GC: variants seen among roughly 807,000 people sequenced by gnomAD.
GC encodes the protein GC vitamin D binding protein.
A neutral mutation model predicts 56.7 loss-of-function variants in GC; 43 were observed. The ratio of observed to expected loss-of-function variants is 0.76; its 90% CI spans 0.59 to 0.98. The LOEUF (loss-of-function observed/expected upper bound fraction) is 0.98, where lower values mean the gene tolerates loss of function less well. GC is among the 50% of genes least tolerant of loss of function. The pLI is 0.00. For synonymous variants in GC, 216 were observed against 202.7 expected (o/e 1.07, Z -0.56); for missense variants, 529 against 545.9 (o/e 0.97, Z 0.31).
At position 71,765,785 on chromosome 4, in the gene GC, AT is replaced by A. The variant is rs529519246; in HGVS notation, c.262-143del. 4.0e-4 allele frequency: 246 copies of A among 613,524 alleles called. 1 individual carries two copies. The African/African-American group carries it at 4.3e-3, about 11-fold the overall frequency. 38.0% of individuals were successfully genotyped at this position (613,524 alleles called of 1,614,324 possible). On this transcript the variant is annotated intron_variant, in intron 3 of 12. Transcript: ENST00000273951. ...TTCATGCCAAGGGCTCCATGAAGTGATTTTTTAACATGACAAGTTGTGTGAT... is the reference window on the plus strand; with the variant it reads ...TTCATGCCAAGGGCTCCATGAAGTGATTTTTAACATGACAAGTTGTGTGAT...
intron 11 of GC, among the ~76,000 whole-genome samples, chr4:71,748,593 G>T (rs1195948654): frequency 6.6e-6 from 1 of 152,096 alleles, no homozygotes; most frequent in Non-Finnish European, 1.5e-5. Flanking sequence ...AAAGAGAAAA[G>T]AAGATTTCAA....
chr4:71,762,406 G>A (rs1342804445), intron 6 of GC, among the ~76,000 whole-genome samples: 1 of 152,150 alleles, frequency 6.6e-6, no homozygotes, highest in African/African-American at 2.4e-5. Flanking sequence ...AGGCTCATAG[G>A]CAGAAGGGAC....
chr4:71,797,412 C>A (rs1187470206), intron 1 of GC, among the ~76,000 whole-genome samples: 2 of 152,266 alleles, frequency 1.3e-5, no homozygotes, highest in African/African-American at 2.4e-5. Flanking sequence ...ACCCCTCCTC[C>A]CGCTCAGCTG....
At chr4:71,742,482 C>A (rs1321862826) in intron 12 of GC, among the ~76,000 whole-genome samples, 1 of 152,176 alleles carries the variant, frequency 6.6e-6, no homozygotes, top group Non-Finnish European at 1.5e-5. Flanking sequence ...AATCTGTTCC[C>A]TCACAGCCTC....
chr4:71,765,452 A>C lies in GC; in HGVS notation c.453T>G (p.Asp151Glu), dbSNP rs754407711. 2 of 1,613,574 alleles carry C rather than the reference A, an allele frequency of 1.2e-6. No individual in the cohort carries two copies. Among genetic ancestry groups the C allele is most frequent in the South Asian group, 1.1e-5 (1 of 91,068 alleles). The stretch of plus-strand genomic sequence containing the variant: ...CTCACTGATTAGCATATTCCTTTGG[A>C]TCTTTCCTGAACGCCTCACAGATTT... ...NDEICEAFRKDPKEYANQFMW... is the reference protein window; with the variant it reads ...NDEICEAFRKEPKEYANQFMW... The change falls in exon 4 of 13, where the codon GAT becomes GAG. Residue 151 changes from aspartate (D) to glutamate (E), a missense_variant. Physicochemically the swap from Asp to Glu is conservative, Grantham distance 45. Coordinates refer to ENST00000273951, the MANE Select transcript of GC (RefSeq NM_000583.4).
intron 1 of GC, among the ~76,000 whole-genome samples, chr4:71,796,447 A>G (rs1400170493): frequency 6.6e-6 from 1 of 152,068 alleles, no homozygotes; most frequent in African/African-American, 2.4e-5. Context: ...CTTCCATTTG[A>G]TCGAATCAGC....
chr4:71,744,042 C>T (rs1353883454), intron 12 of GC, among the ~76,000 whole-genome samples: 1 of 152,042 alleles, frequency 6.6e-6, no homozygotes, highest in East Asian at 1.9e-4. Flanking sequence ...ATTTCTTCAT[C>T]TTATCAGATG....
exon 1 of GC, chr4:71,803,939 C>A (rs1298221842): frequency 1.5e-5 from 22 of 1,507,958 alleles, no homozygotes; most frequent in Non-Finnish European, 1.9e-5. Context: ...ACTCCAAGAC[C>A]ACAGCATTTC....
At chr4:71,802,855 G>T (rs149054102) in intron 1 of GC, among the ~76,000 whole-genome samples, 58 of 152,270 alleles carry the variant, frequency 3.8e-4, no homozygotes, top group African/African-American at 1.3e-3. Flanking sequence ...AGTCAAAAGT[G>T]TGCTTTGGAC....
intron 4 of GC, among the ~76,000 whole-genome samples, chr4:71,765,170 T>C (rs1393067430): frequency 6.6e-6 from 1 of 152,200 alleles, no homozygotes; most frequent in African/African-American, 2.4e-5. Flanking sequence ...AAATATATCA[T>C]GTGGACAGGA....
At chr4:71,804,354 TC>T (rs34067879), upstream of GC, among the ~76,000 whole-genome samples, 2 of 152,162 alleles carry the variant, frequency 1.3e-5, no homozygotes, top group Non-Finnish European at 2.9e-5. Flanking sequence ...GCATTATTTT[TC>T]CCCCTTTTGG....
intron 3 of GC, among the ~76,000 whole-genome samples, chr4:71,767,631 A>G (rs1742198639): frequency 6.7e-6 from 1 of 148,364 alleles, no homozygotes; most frequent in Non-Finnish European, 1.5e-5. Context: ...ATATTAAATT[A>G]TATAATATAT....
At chr4:71,781,328 A>G (rs879453516) in intron 1 of GC, among the ~76,000 whole-genome samples, 6 of 152,018 alleles carry the variant, frequency 3.9e-5, no homozygotes, top group Admixed American at 1.3e-4. Flanking sequence ...TGGCACATGT[A>G]TACATATGTA....
chr4:71,777,339 C>T (rs1742538295), intron 1 of GC, among the ~76,000 whole-genome samples: 1 of 151,546 alleles, frequency 6.6e-6, no homozygotes, highest in Non-Finnish European at 1.5e-5. Flanking sequence ...GCTTTAAGTG[C>T]TTTTATAGCA....
At chr4:71,782,310 A>G (rs1742707979) in intron 1 of GC, among the ~76,000 whole-genome samples, 1 of 151,828 alleles carries the variant, frequency 6.6e-6, no homozygotes, top group Non-Finnish European at 1.5e-5. Flanking sequence ...CCTGCCAGGA[A>G]GAACACAGCT....
chr4:71,765,588 G>C lies in GC; in HGVS notation c.317C>G (p.Pro106Arg). The change falls in exon 4 of 13, where the codon CCA becomes CGA. Residue 106 changes from proline (P) to arginine (R), a missense_variant. Pro to Arg is a moderately radical substitution (Grantham distance 103). Coordinates refer to ENST00000273951, the MANE Select transcript of GC (RefSeq NM_000583.4). ...TTTGGTGCAGCACTCAGCAGTGCCT[G>C]GGTGAACGGGGAATGGAGAATTACT... ...CESNSPFPVH[P>R]GTAECCTKEG... The C allele has an allele frequency of 1.2e-6, 2 of 1,613,676 alleles. No individual in the cohort carries two copies. Among genetic ancestry groups the C allele is most frequent in the Non-Finnish European group, 1.7e-6 (2 of 1,179,746 alleles).
At chr4:71,801,546 C>T (rs1405853236) in intron 1 of GC, among the ~76,000 whole-genome samples, 1 of 152,078 alleles carries the variant, frequency 6.6e-6, no homozygotes, top group African/African-American at 2.4e-5. Flanking sequence ...TTATGAAGTT[C>T]CTTACTCACA....
intron 12 of GC, among the ~76,000 whole-genome samples, chr4:71,742,673 A>G (rs1409821759): frequency 6.6e-6 from 1 of 152,186 alleles, no homozygotes; most frequent in East Asian, 1.9e-4. Context: ...GCTTTGTGAG[A>G]TAATTAAGAG....
chr4:71,748,316 G>C (rs1741440742), intron 11 of GC, among the ~76,000 whole-genome samples: 1 of 152,040 alleles, frequency 6.6e-6, no homozygotes, highest in Admixed American at 6.6e-5. Context: ...AGTTTTTCCT[G>C]ACACAAGAAA....
Sources: gnomAD v4.1 joint callset for allele counts (sites outside exome capture counted in the v4.1 genomes callset) on GRCh38, gnomAD v4.1.1 for gene constraint, MANE v1.5 for transcripts, NCBI Gene and HGNC (gene_info 2026-07-23, HGNC 2026-07-21) for gene names.